DLG2: variants seen among roughly 807,000 people sequenced by gnomAD.
DLG2 encodes disks large homolog 2.
In DLG2, 45 loss-of-function variants were observed where a neutral mutation model predicts 132.5. The ratio of observed to expected loss-of-function variants is 0.34; its 90% CI spans 0.27 to 0.44. The LOEUF (loss-of-function observed/expected upper bound fraction) is 0.44. Ranked by LOEUF, DLG2 falls within the 20% of genes least tolerant of loss-of-function variation. The probability of loss-of-function intolerance (pLI) is 1.00; values close to 1 mark genes in which losing one functional copy is unlikely to be tolerated. For missense variants in DLG2, 1,045 were observed against 1,196.9 expected (o/e 0.87, Z 1.87); for synonymous variants, 424 against 419.6 (o/e 1.01, Z -0.13).
intron 21 of DLG2, among the ~76,000 whole-genome samples, chr11:83,528,375 C>G (rs2088619579): frequency 1.3e-5 from 2 of 152,118 alleles, no homozygotes; most frequent in African/African-American, 4.8e-5. Context: ...CCTTTCTGAC[C>G]TTCTTTGTCA....
chr11:83,612,867 G>C (rs2060306605), intron 19 of DLG2, among the ~76,000 whole-genome samples: 1 of 152,210 alleles, frequency 6.6e-6, no homozygotes. Flanking sequence ...CAGCAGAGGA[G>C]GGTGTAGAGG....
intron 4 of DLG2, among the ~76,000 whole-genome samples, chr11:85,180,027 C>A (rs929941834): frequency 6.6e-6 from 1 of 151,818 alleles, no homozygotes; most frequent in Non-Finnish European, 1.5e-5. Flanking sequence ...CCTTTGTGAC[C>A]ATTCTATTCT....
intron 6 of DLG2, among the ~76,000 whole-genome samples, chr11:84,706,054 T>C (rs1309134846): frequency 2.0e-5 from 3 of 151,774 alleles, no homozygotes; most frequent in South Asian, 2.1e-4. Flanking sequence ...GCAGAGATGA[T>C]ACAAAGTCCA....
chr11:83,683,132 G>A (rs962574916), intron 18 of DLG2, among the ~76,000 whole-genome samples: 6 of 152,156 alleles, frequency 3.9e-5, no homozygotes, highest in Non-Finnish European at 7.4e-5. Flanking sequence ...TCCCTGACAA[G>A]GTCAGTTTAA....
At chr11:84,863,412 C>A (rs1022772587) in intron 6 of DLG2, among the ~76,000 whole-genome samples, 6 of 152,074 alleles carry the variant, frequency 3.9e-5, no homozygotes, top group Admixed American at 3.9e-4. Context: ...GTCTCAGATG[C>A]GCTTTTCCTT....
chr11:85,035,410 G>A lies in DLG2; in HGVS notation c.357+76251C>T, dbSNP rs140910165. Among the ~76,000 whole-genome samples the A allele has an allele frequency of 3.3e-5, 5 of 152,288 alleles. No individual in the cohort carries two copies. In the East Asian group the frequency reaches 5.8e-4, roughly 18 times the overall value. ...ATTCACAGTTCCACATGGCTGAAGA[G>A]GCTTCAGGAAACTTACAATCATGGC... On this transcript the variant is annotated intron_variant, in intron 6 of 27. Transcript: ENST00000376104.
rs536007275 is a variant in DLG2 at position 84,396,880 on chromosome 11, G to A, written c.519+137690C>T. On this transcript the variant is annotated intron_variant, in intron 7 of 27. Coordinates refer to ENST00000376104, the MANE Select transcript of DLG2 (RefSeq NM_001142699.3). ...TCATTCAACTCTTTTATTTTGTGAC[G>A]GTGCAACATCTTTTCTGAGAATAGC... Among the ~76,000 whole-genome samples, 6 of 152,190 alleles carry A rather than the reference G, an allele frequency of 3.9e-5. No individual in the cohort carries two copies. The South Asian group carries it at 1.2e-3, about 32-fold the overall frequency.
intron 3 of DLG2, among the ~76,000 whole-genome samples, chr11:85,331,051 T>C (rs2081699074): frequency 2.0e-5 from 3 of 152,274 alleles, no homozygotes; most frequent in South Asian, 4.1e-4. Context: ...TTAAAATATA[T>C]GAAATGATAA....
chr11:83,491,177 A>G (rs1215888745), intron 21 of DLG2, among the ~76,000 whole-genome samples: 1 of 149,742 alleles, frequency 6.7e-6, no homozygotes, highest in Non-Finnish European at 1.5e-5. Flanking sequence ...CTTCAAATCT[A>G]ACACCAGGAA....
At chr11:83,546,773 C>T (rs1290480944) in intron 19 of DLG2, among the ~76,000 whole-genome samples, 2 of 152,088 alleles carry the variant, frequency 1.3e-5, no homozygotes, top group East Asian at 3.9e-4. Flanking sequence ...GATGATAACA[C>T]TTATAGTGAT....
chr11:84,498,413 C>T (rs2099191725), intron 7 of DLG2, among the ~76,000 whole-genome samples: 1 of 152,064 alleles, frequency 6.6e-6, no homozygotes, highest in Non-Finnish European at 1.5e-5. Flanking sequence ...TAATGGAACC[C>T]ATCTTCTAAC....
chr11:84,665,299 T>C (rs2099698724), intron 6 of DLG2, among the ~76,000 whole-genome samples: 1 of 152,072 alleles, frequency 6.6e-6, no homozygotes, highest in Non-Finnish European at 1.5e-5. Context: ...AATTATTTAA[T>C]CCCATTTTAC....
chr11:84,752,133 G>C (rs1425040641), intron 6 of DLG2, among the ~76,000 whole-genome samples: 1 of 152,174 alleles, frequency 6.6e-6, no homozygotes, highest in Non-Finnish European at 1.5e-5. Flanking sequence ...TTTAGAATCA[G>C]GTGGTTTGTA....
At chr11:83,959,572 G>T (rs1323034941) in intron 14 of DLG2, among the ~76,000 whole-genome samples, 1 of 152,132 alleles carries the variant, frequency 6.6e-6, no homozygotes, top group Admixed American at 6.5e-5. Context: ...GACAACATTC[G>T]TGCATGTTAA....
intron 15 of DLG2, among the ~76,000 whole-genome samples, chr11:83,907,215 G>C (rs2075168595): frequency 1.3e-5 from 2 of 152,072 alleles, no homozygotes; most frequent in South Asian, 4.1e-4. Flanking sequence ...GAAACTAGAA[G>C]GATCACATTG....
intron 6 of DLG2, among the ~76,000 whole-genome samples, chr11:84,961,665 A>C (rs1477688034): frequency 2.6e-5 from 4 of 152,068 alleles, no homozygotes; most frequent in African/African-American, 9.7e-5. Flanking sequence ...TCATGTGCCA[A>C]AAATACTGTG....
At chr11:83,691,707 G>C (rs1298422507) in intron 18 of DLG2, among the ~76,000 whole-genome samples, 1 of 152,176 alleles carries the variant, frequency 6.6e-6, no homozygotes, top group African/African-American at 2.4e-5. Flanking sequence ...ATGCTTTGCT[G>C]TCCTGGAGAA....
chr11:83,518,116 G>A (rs1592311386), intron 21 of DLG2, among the ~76,000 whole-genome samples: 2 of 152,364 alleles, frequency 1.3e-5, no homozygotes, highest in African/African-American at 2.4e-5. Flanking sequence ...CCTGCCCCCA[G>A]AGGTGGAGTC....
Position 85,398,818 on chromosome 11 carries a change from C to T in DLG2, c.41-113453G>A, listed in dbSNP as rs1482158532. On this transcript the variant is annotated intron_variant, in intron 3 of 27. Transcript: ENST00000376104. Reference sequence around the variant, plus strand: ...TCACCAAAAAAAGTCCAGGACAAGACAGATTCACAGCCAAATTCTACCAGA... The same window carrying T: ...TCACCAAAAAAAGTCCAGGACAAGATAGATTCACAGCCAAATTCTACCAGA... Among the ~76,000 whole-genome samples, 6 of 152,210 alleles carry T rather than the reference C, an allele frequency of 3.9e-5. No homozygotes were observed. The East Asian group carries it at 9.7e-4, about 24-fold the overall frequency.
Sources: gnomAD v4.1 joint callset for allele counts (sites outside exome capture counted in the v4.1 genomes callset) on GRCh38, gnomAD v4.1.1 for gene constraint, MANE v1.5 for transcripts, NCBI Gene and HGNC (gene_info 2026-07-23, HGNC 2026-07-21) for gene names.